GABRA3: variants seen among roughly 807,000 people sequenced by gnomAD.
GABRA3 encodes gamma-aminobutyric acid receptor subunit alpha-3.
GABRA3 carries 10 observed loss-of-function variants against 30.1 expected under a neutral mutation model. The ratio of observed to expected loss-of-function variants is 0.33; its 90% CI spans 0.20 to 0.56. The LOEUF is 0.56. Ranked by LOEUF, GABRA3 falls within the 20% of genes least tolerant of loss-of-function variation. The pLI is 0.89. For missense variants in GABRA3, 233 were observed against 392.0 expected (o/e 0.59, Z 3.42); for synonymous variants, 151 against 146.8 (o/e 1.03, Z -0.21).
intron 3 of GABRA3, among the ~76,000 whole-genome samples, chrX:152,340,371 TATC>T (rs1940296374): frequency 8.9e-6 from 1 of 112,317 alleles, no homozygotes; most frequent in Non-Finnish European, 1.9e-5. Context: ...AGTATTTACT[TATC>T]ATTTGGTGAG....
intron 1 of GABRA3, among the ~76,000 whole-genome samples, chrX:152,422,103 T>A (rs1273815878): frequency 9.0e-6 from 1 of 111,608 alleles, no homozygotes. Context: ...TACAAATGTT[T>A]TATTGCAACA....
At chrX:152,290,539 T>G (rs917451001) in intron 3 of GABRA3, among the ~76,000 whole-genome samples, 1 of 112,258 alleles carries the variant, frequency 8.9e-6, no homozygotes, top group Non-Finnish European at 1.9e-5. Context: ...TTGTCAATTT[T>G]GGCTTTTGTT....
chrX:152,364,936 G>GA (rs1928613110), intron 1 of GABRA3, among the ~76,000 whole-genome samples: 1 of 111,521 alleles, frequency 9.0e-6, no homozygotes, highest in South Asian at 3.8e-4. Context: ...GTGATTAGGT[G>GA]AATCACAGAA....
chrX:152,291,946 A>T (rs1385154583), intron 3 of GABRA3, among the ~76,000 whole-genome samples: 1 of 111,868 alleles, frequency 8.9e-6, no homozygotes, highest in African/African-American at 3.3e-5. Flanking sequence ...TTTTGCATCA[A>T]TGTTCATCAG....
intron 5 of GABRA3, among the ~76,000 whole-genome samples, chrX:152,226,201 C>T (rs1937949783): frequency 9.0e-6 from 1 of 111,583 alleles, no homozygotes; most frequent in African/African-American, 3.2e-5. Flanking sequence ...AAGAAAATAT[C>T]CGCAGGCTAT....
At chrX:152,328,979 G>T (rs1159884144) in intron 3 of GABRA3, among the ~76,000 whole-genome samples, 1 of 112,070 alleles carries the variant, frequency 8.9e-6, no homozygotes, top group Non-Finnish European at 1.9e-5. Flanking sequence ...ATCTCCTTAA[G>T]CTGATAAGCA....
intron 3 of GABRA3, among the ~76,000 whole-genome samples, chrX:152,322,876 CAA>C (rs1343421697): frequency 1.8e-5 from 1 of 54,887 alleles, no homozygotes; most frequent in Non-Finnish European, 3.0e-5. Flanking sequence ...TTTTTTGAGA[CAA>C]AGTCTTGCTC....
At chrX:152,289,969 A>G (rs1939373539) in intron 3 of GABRA3, among the ~76,000 whole-genome samples, 1 of 112,039 alleles carries the variant, frequency 8.9e-6, no homozygotes, top group Non-Finnish European at 1.9e-5. Flanking sequence ...ATAGTGCCAC[A>G]ATAAACATAT....
chrX:152,290,997 G>C (rs1373901758), intron 3 of GABRA3, among the ~76,000 whole-genome samples: 1 of 111,523 alleles, frequency 9.0e-6, no homozygotes, highest in Non-Finnish European at 1.9e-5. Flanking sequence ...GGCAATGTGG[G>C]CTCTTTTTTG....
chrX:152,262,014 A>T (rs1938738781), intron 4 of GABRA3, among the ~76,000 whole-genome samples: 1 of 112,547 alleles, frequency 8.9e-6, no homozygotes, highest in African/African-American at 3.2e-5. Flanking sequence ...GTGTACCTGC[A>T]GGCTCAACAT....
At chrX:152,353,168 T>G (rs764808401) in intron 2 of GABRA3, among the ~76,000 whole-genome samples, 1 of 111,399 alleles carries the variant, frequency 9.0e-6, no homozygotes, top group African/African-American at 3.3e-5. Flanking sequence ...TATGGACTGG[T>G]AATAAAACTA....
intron 3 of GABRA3, among the ~76,000 whole-genome samples, chrX:152,328,466 C>A (rs764684780): frequency 5.4e-5 from 6 of 111,822 alleles, no homozygotes; most frequent in Admixed American, 1.9e-4. Flanking sequence ...TACTGGCAAA[C>A]CGAATCCAGC....
rs182955575 is a variant in GABRA3, at chrX:152,337,121, T to C, written c.262+8460A>G. 1.6e-4 allele frequency among the ~76,000 whole-genome samples: 18 copies of C among 111,926 alleles called. 1 individual carries two copies. The highest frequency in any genetic ancestry group is 5.2e-4 in the African/African-American group (16 of 30,825). ...GTACACGGCTTTGGGATACATGTGA[T>C]AATTTAATATATTCATATAGTTTGT... On this transcript the variant is annotated intron_variant, in intron 3 of 9. Transcript: ENST00000370314.
At chrX:152,392,853 T>C (rs1161383836) in intron 1 of GABRA3, among the ~76,000 whole-genome samples, 1 of 112,318 alleles carries the variant, frequency 8.9e-6, no homozygotes, top group African/African-American at 3.2e-5. Flanking sequence ...TTTCGGAGAA[T>C]AAAACCATGC....
chrX:152,336,631 G>A (rs1940238334), intron 3 of GABRA3, among the ~76,000 whole-genome samples: 1 of 111,943 alleles, frequency 8.9e-6, no homozygotes, highest in Non-Finnish European at 1.9e-5. Context: ...AAAACAAGAT[G>A]AGTAGAACTG....
At chrX:152,417,993 T>C (rs1381143414) in intron 1 of GABRA3, among the ~76,000 whole-genome samples, 1 of 103,591 alleles carries the variant, frequency 9.7e-6, no homozygotes, top group African/African-American at 3.6e-5. Flanking sequence ...ACCTGCACAA[T>C]GTGCACATGT....
chrX:152,282,360 C>G (rs1291413274), intron 4 of GABRA3, among the ~76,000 whole-genome samples: 1 of 111,040 alleles, frequency 9.0e-6, no homozygotes, highest in East Asian at 2.8e-4. Flanking sequence ...CTGCCTAAAG[C>G]TTTACCCAAA....
intron 2 of GABRA3, among the ~76,000 whole-genome samples, chrX:152,348,623 C>T (rs1300413795): frequency 9.0e-6 from 1 of 111,079 alleles, no homozygotes; most frequent in Non-Finnish European, 1.9e-5. Context: ...ACAGGCATAC[C>T]TCTGGGATAT....
intron 9 of GABRA3, among the ~76,000 whole-genome samples, chrX:152,184,599 T>C (rs1480166872): frequency 9.0e-6 from 1 of 111,313 alleles, no homozygotes; most frequent in Non-Finnish European, 1.9e-5. Flanking sequence ...CAGACTTTTG[T>C]TTTATTCTCT....
Sources: gnomAD v4.1 joint callset for allele counts (sites outside exome capture counted in the v4.1 genomes callset) on GRCh38, gnomAD v4.1.1 for gene constraint, MANE v1.5 for transcripts, NCBI Gene and HGNC (gene_info 2026-07-23, HGNC 2026-07-21) for gene names.